ULK4: variants seen among roughly 807,000 people sequenced by gnomAD.
ULK4 encodes the protein unc-51 like kinase 4.
A neutral mutation model predicts 160.6 loss-of-function variants in ULK4; 133 were observed. The observed-to-expected ratio is 0.83, with a 90% CI of 0.72 to 0.96. The LOEUF (loss-of-function observed/expected upper bound fraction) is 0.96, where lower values mean the gene tolerates loss of function less well. Among genes scored for constraint, ULK4 ranks in the 40% least tolerant of loss-of-function variants. The pLI is 0.00. For missense variants in ULK4, 1,580 were observed against 1,499.5 expected, an observed-to-expected ratio of 1.05 and a Z score of -0.89; for synonymous variants, 534 against 539.8, an observed-to-expected ratio of 0.99 and a Z score of 0.15.
intron 19 of ULK4, among the ~76,000 whole-genome samples, chr3:41,800,611 TAAACA>T (rs2125604788): frequency 6.6e-6 from 1 of 152,132 alleles, no homozygotes; most frequent in African/African-American, 2.4e-5. Context: ...ATCTGGAAAA[TAAACA>T]AAATAACTAT....
intron 35 of ULK4, among the ~76,000 whole-genome samples, chr3:41,327,231 T>A (rs1440343841): frequency 6.6e-6 from 1 of 152,158 alleles, no homozygotes; most frequent in Non-Finnish European, 1.5e-5. Flanking sequence ...TCCTGAGCAA[T>A]CTATTGGAAG....
intron 21 of ULK4, among the ~76,000 whole-genome samples, chr3:41,782,249 C>G (rs1336963037): frequency 6.6e-6 from 1 of 151,584 alleles, no homozygotes; most frequent in African/African-American, 2.4e-5. Context: ...AGTACCTACT[C>G]AGCCATATTA....
In ULK4 at chr3:41,463,161, G is replaced by A. The variant is rs756813029; in HGVS notation, c.3319C>T (p.Leu1107=). ...AAAATATCAAGCAGGGAAAAGAGCA[G>A]TGGAGCTGCCATCTCATTGTTGTTT... ...NKNNNEMAAP[L]LFSLLDILHS... The change falls in exon 33 of 37, where the codon CTG becomes TTG. Residue 1107 remains leucine, a synonymous_variant. Transcript: ENST00000301831. 3.7e-6 allele frequency: 6 copies of A among 1,613,816 alleles called. No individual in the cohort carries two copies. Among genetic ancestry groups the A allele is most frequent in the Middle Eastern group, 3.3e-4 (2 of 6,056 alleles).
intron 25 of ULK4, among the ~76,000 whole-genome samples, chr3:41,709,125 A>T (rs986854687): frequency 8.5e-5 from 13 of 152,178 alleles, no homozygotes; most frequent in Admixed American, 5.9e-4. Context: ...CCTAGTGTAG[A>T]GTTACAGATA....
chr3:41,318,250 AT>A (rs900385612), intron 35 of ULK4, among the ~76,000 whole-genome samples: 4 of 151,820 alleles, frequency 2.6e-5, no homozygotes, highest in Non-Finnish European at 4.4e-5. Context: ...AGTTAAGAAG[AT>A]TTTTTTTTAA....
intron 32 of ULK4, among the ~76,000 whole-genome samples, chr3:41,540,944 A>G (rs2371581): frequency 0.51 from 77,655 of 151,880 alleles, 19,959 homozygotes; most frequent in Middle Eastern, 0.57. Flanking sequence ...TTTGTCAGAC[A>G]GATAGAGTGC....
intron 32 of ULK4, among the ~76,000 whole-genome samples, chr3:41,464,661 T>C (rs2083782151): frequency 6.6e-6 from 1 of 152,182 alleles, no homozygotes; most frequent in Non-Finnish European, 1.5e-5. Context: ...GAAAACATAG[T>C]ATTTGGTAAA....
chr3:41,596,792 G>T (rs140987304), intron 31 of ULK4, among the ~76,000 whole-genome samples: 2,064 of 152,190 alleles, frequency 0.014, 129 homozygotes, highest in Admixed American at 0.11. Flanking sequence ...GTGCAGGATG[G>T]ACCATTCATA....
intron 30 of ULK4, among the ~76,000 whole-genome samples, chr3:41,620,223 AAAC>A (rs2125689405): frequency 6.6e-6 from 1 of 152,310 alleles, no homozygotes; most frequent in South Asian, 2.1e-4. Context: ...GAACCATTTC[AAAC>A]AACAGAAAAA....
intron 32 of ULK4, among the ~76,000 whole-genome samples, chr3:41,556,442 A>G (rs2087303445): frequency 6.6e-6 from 1 of 151,900 alleles, no homozygotes; most frequent in African/African-American, 2.4e-5. Flanking sequence ...CATACCACAA[A>G]AAGAGAACAC....
At chr3:41,497,855 T>C (rs1212787250) in intron 32 of ULK4, among the ~76,000 whole-genome samples, 2 of 152,164 alleles carry the variant, frequency 1.3e-5, no homozygotes, top group Non-Finnish European at 2.9e-5. Flanking sequence ...AAATAGCCAC[T>C]GCACTTCAGC....
At chr3:41,952,552 C>CA (rs148364976) in intron 2 of ULK4, among the ~76,000 whole-genome samples, 9,633 of 150,574 alleles carry the variant, frequency 0.064, 580 homozygotes, top group East Asian at 0.17. Flanking sequence ...TGGTTACTGT[C>CA]AAAAAAAAAG....
At chr3:41,741,205 A>C (rs889787939) in intron 22 of ULK4, among the ~76,000 whole-genome samples, 1 of 151,882 alleles carries the variant, frequency 6.6e-6, no homozygotes, top group Non-Finnish European at 1.5e-5. Context: ...TAAAAATACA[A>C]ATGAGTAAAG....
At chr3:41,301,909 T>C (rs1270872242) in intron 35 of ULK4, among the ~76,000 whole-genome samples, 1 of 152,178 alleles carries the variant, frequency 6.6e-6, no homozygotes, top group Non-Finnish European at 1.5e-5. Flanking sequence ...AATAAATATA[T>C]TTATATCGAT....
intron 3 of ULK4, chr3:41,937,235 T>G (rs1699806248): frequency 3.3e-6 from 2 of 609,980 alleles, no homozygotes; most frequent in Non-Finnish European, 5.9e-6. Context: ...TTACATCTGG[T>G]CAGAGATCAG....
At chr3:41,594,067 G>GAGGGAA (rs1480670986) in intron 31 of ULK4, among the ~76,000 whole-genome samples, 1 of 151,934 alleles carries the variant, frequency 6.6e-6, no homozygotes, top group Non-Finnish European at 1.5e-5. Flanking sequence ...AGAGAGAGGG[G>GAGGGAA]AGGGAAAGGG....
At chr3:41,660,612 T>C (rs1201114069) in intron 30 of ULK4, among the ~76,000 whole-genome samples, 1 of 152,234 alleles carries the variant, frequency 6.6e-6, no homozygotes, top group Non-Finnish European at 1.5e-5. Flanking sequence ...AAAATGGACT[T>C]TGCAAGTTGC....
intron 34 of ULK4, among the ~76,000 whole-genome samples, chr3:41,413,524 G>T (rs567281315): frequency 1.3e-5 from 2 of 152,230 alleles, no homozygotes; most frequent in South Asian, 4.1e-4. Context: ...TCAATAAAAA[G>T]TAGATATTAC....
At chr3:41,325,666 AG>A (rs1272941711) in intron 35 of ULK4, among the ~76,000 whole-genome samples, 1 of 152,174 alleles carries the variant, frequency 6.6e-6, no homozygotes, top group African/African-American at 2.4e-5. Flanking sequence ...CTGTAATCCC[AG>A]CACTTTGGGA....
Sources: gnomAD v4.1 joint callset for allele counts (sites outside exome capture counted in the v4.1 genomes callset) on GRCh38, gnomAD v4.1.1 for gene constraint, MANE v1.5 for transcripts, NCBI Gene and HGNC (gene_info 2026-07-23, HGNC 2026-07-21) for gene names.